Variants in DUOX2 observed in about 807,000 individuals in gnomAD.
DUOX2 encodes NADH/NADPH thyroid oxidase p138-tox.
A neutral mutation model predicts 183.3 loss-of-function variants in DUOX2; 185 were observed. The observed-to-expected ratio is 1.01, with a 90% CI of 0.90 to 1.14. DUOX2 has a LOEUF of 1.14. DUOX2 is among the 50% of genes most tolerant of loss of function. The pLI, the probability that DUOX2 is intolerant of heterozygous loss-of-function variation, is 0.00. For missense variants in DUOX2, 1,999 were observed against 2,022.9 expected, an observed-to-expected ratio of 0.99 and a Z score of 0.23; for synonymous variants, 788 against 812.4, an observed-to-expected ratio of 0.97 and a Z score of 0.51.
chr15:45,096,052 A>G lies in DUOX2; in HGVS notation c.3856T>C (p.Tyr1286His), dbSNP rs148968706. The G allele has an allele frequency of 7.1e-4, 1,144 of 1,613,950 alleles. 8 individuals carry two copies. In the African/African-American group the frequency reaches 0.014, roughly 20 times the overall value. The change falls in exon 30 of 34, where the codon TAC becomes CAC. Residue 1286 changes from tyrosine to histidine, a missense_variant. Tyr to His is a moderately conservative substitution (Grantham distance 83). This residue lies in a region of DUOX2 where 1,628 missense variants were observed against 1,608.6 expected (regional missense o/e 1.01). Transcript: ENST00000389039. ...CCTTGGGGCCTCTGGAATTGCAGGTAGGTCACTCCTGGAGGTCATAGACAG... is the reference window on the plus strand; with the variant it reads ...CCTTGGGGCCTCTGGAATTGCAGGTGGGTCACTCCTGGAGGTCATAGACAG... ...KAELLPSGVT[Y>H]LQFQRPQGFE...
At chr15:45,107,848 CT>C (rs1332078159) in intron 13 of DUOX2, among the ~76,000 whole-genome samples, 198 bp downstream of exon 13, 2 of 25,240 alleles carry the variant, frequency 7.9e-5, no homozygotes, top group Admixed American at 1.5e-3. Context: ...TAGACTCTGC[CT>C]CAAAAAAAAA....
intron 23 of DUOX2, 37 bp from the exon 24 acceptor site, chr15:45,100,265 G>C: frequency 1.3e-6 from 2 of 1,593,602 alleles, no homozygotes; most frequent in Non-Finnish European, 8.6e-7. Context: ...GTGTGGTAAG[G>C]GCCCTCTGGC....
rs760732287 is a variant in DUOX2, at chr15:45,111,902, C to A, written c.379G>T (p.Glu127Ter). ...GGTGGGATGCGGATGTTGAGGAACT[C>A]GGCGGGGCAACCGGGCGTTTCCACG... ...VSVETPGCPAEFLNIRIPPGD... is the reference protein window; with the variant it reads ...VSVETPGCPA Residue 127 changes from glutamate (E) to a stop codon, truncating the protein, a stop_gained, in exon 5 of 34, where the codon GAG becomes TAG. Transcript: ENST00000389039. LOFTEE classifies it high-confidence loss of function. 3 of 1,613,678 alleles carry A rather than the reference C, an allele frequency of 1.9e-6. No homozygotes were observed. In the Admixed American group the frequency reaches 5.0e-5, roughly 27 times the overall value.
chr15:45,101,169 G>C (rs1454561586), intron 22 of DUOX2, 36 bp downstream of exon 22: 1 of 1,600,716 alleles, frequency 6.2e-7, no homozygotes, highest in Non-Finnish European at 8.5e-7. Context: ...AGGGGGCTCA[G>C]CCAGGCCAAC....
intron 23 of DUOX2, 41 bp downstream of exon 23, chr15:45,100,714 C>G: frequency 6.4e-7 from 1 of 1,566,750 alleles, no homozygotes; most frequent in Non-Finnish European, 8.8e-7. Context: ...TAAGACTTCT[C>G]TCCATGTCTC....
rs1893952879 is a variant in DUOX2 at position 45,098,031 on chromosome 15, C to A, written c.3543G>T (p.Trp1181Cys). The A allele has an allele frequency of 1.2e-6, 2 of 1,614,134 alleles. No individual in the cohort carries two copies. The highest frequency in any genetic ancestry group is 4.5e-5 in the East Asian group (2 of 44,886). The change falls in exon 27 of 34, where the codon TGG (tryptophan) becomes TGT (cysteine). Residue 1181 changes from tryptophan to cysteine, a missense_variant. Around this residue, in one of 3 missense-constraint regions of DUOX2, gnomAD observed 1,628 missense variants for 1,608.6 expected, o/e 1.01. Transcript: ENST00000389039. ...TACCTGGGACGGTCTGGAAGAACCACCAATAGAACTTCTGGGGAAGCTTGG... is the reference window on the plus strand; with the variant it reads ...TACCTGGGACGGTCTGGAAGAACCAACAATAGAACTTCTGGGGAAGCTTGG... ...DGSKLPQKFY[W>C]WFFQTVPGMT...
intron 23 of DUOX2, chr15:45,100,554 G>A (rs1207325298): frequency 3.1e-6 from 2 of 651,202 alleles, no homozygotes; most frequent in Admixed American, 4.9e-5. Flanking sequence ...GTTGAGCCAG[G>A]ACCCTTGCCT....
At position 45,111,397 on chromosome 15, in the gene DUOX2, G is replaced by A. The variant is rs1045626747; in HGVS notation, c.702C>T (p.Pro234=). 1 of 1,457,996 alleles carries A rather than the reference G, an allele frequency of 6.9e-7. No homozygotes were observed. Among genetic ancestry groups the A allele is most frequent in the Non-Finnish European group, 9.0e-7 (1 of 1,107,558 alleles). The allele number at this position is 1,457,996 out of a possible 1,614,324, so 90.3% of individuals were successfully genotyped here. Residue 234 remains proline (P), a synonymous_variant, in exon 6 of 34, where the codon CCC becomes CCT. Transcript: ENST00000389039. ...APDPATGQNG[P]RGLYAFGAER... ...CTGTGGCCTCACCGTACAGCCCCCG[G>A]GGCCCGTTCTGCCCGGTGGCGGGGT...
chr15:45,096,087 C>T, intron 29 of DUOX2, 27 bp from the exon 30 acceptor site: 1 of 1,596,720 alleles, frequency 6.3e-7, no homozygotes, highest in Non-Finnish European at 8.6e-7. Context: ...GGGAAAAGCA[C>T]AGATGAGAAG....
chr15:45,110,573 C>T, intron 8 of DUOX2, 49 bp from the exon 9 acceptor site: 1 of 1,613,860 alleles, frequency 6.2e-7, no homozygotes, highest in Non-Finnish European at 8.5e-7. Flanking sequence ...CTTGCCTCCA[C>T]ATCCTCCCAT....
chr15:45,106,665 T>A, intron 15 of DUOX2, 24 bp from the exon 16 acceptor site: 1 of 1,613,312 alleles, frequency 6.2e-7, no homozygotes, highest in South Asian at 1.1e-5. Flanking sequence ...GAAGGAACAG[T>A]GAGGAGGGAG....
intron 16 of DUOX2, 32 bp downstream of exon 16, chr15:45,106,496 C>A: frequency 1.2e-6 from 2 of 1,608,220 alleles, no homozygotes; most frequent in Non-Finnish European, 1.7e-6. Flanking sequence ...CTCCTCCGTC[C>A]CTCCTCCCTC....
rs1046844256 is a variant in DUOX2, at chr15:45,107,559, A to T, written c.1575-96T>A. Reference sequence around the variant, plus strand: ...GACCCAGGTGAGAAAAGAGACCCAGAGGGGCTGGGTGCAGTGGCTCATGCC... The same window carrying T: ...GACCCAGGTGAGAAAAGAGACCCAGTGGGGCTGGGTGCAGTGGCTCATGCC... On this transcript the variant is annotated intron_variant, in intron 13 of 33. Coordinates refer to ENST00000389039, the MANE Select transcript of DUOX2 (RefSeq NM_001363711.2). 2.7e-5 allele frequency: 36 copies of T among 1,324,496 alleles called. No homozygotes were observed. In the African/African-American group the frequency reaches 4.6e-4, roughly 17 times the overall value. The allele number at this position is 1,324,496 out of a possible 1,614,324, so 82.0% of individuals were successfully genotyped here.
chr15:45,095,827 C>T lies in DUOX2; in HGVS notation c.4080+1G>A, dbSNP rs777812482. 1.9e-6 allele frequency: 3 copies of T among 1,613,490 alleles called. No homozygotes were observed. The highest frequency in any genetic ancestry group is 2.2e-5 in the South Asian group (2 of 91,066). On this transcript the variant is annotated splice_donor_variant, in intron 30 of 33. Coordinates refer to ENST00000389039, the MANE Select transcript of DUOX2 (RefSeq NM_001363711.2). LOFTEE classifies it high-confidence loss of function. ...GAAGCAGGGTTCCCAGTGACGGGCA[C>T]CTTTGGGTATCCAGCACAGCCATTG...
At chr15:45,107,682 A>G (rs1021140597) in intron 13 of DUOX2, among the ~76,000 whole-genome samples, 1 of 151,930 alleles carries the variant, frequency 6.6e-6, no homozygotes, top group Admixed American at 6.6e-5. Context: ...CATCTCTACT[A>G]AAAATATTTT....
chr15:45,097,776 C>G (rs1166842720), intron 27 of DUOX2, 35 bp from the exon 28 acceptor site: 5 of 1,614,080 alleles, frequency 3.1e-6, no homozygotes, highest in South Asian at 1.1e-5. Flanking sequence ...TGAGTAGTCT[C>G]AGGACTTCAG....
Position 45,100,098 on chromosome 15 carries a change from C to CCA in DUOX2, c.3134_3135dup (p.Ala1046TrpfsTer62), listed in dbSNP as rs749552242. The CCA allele has an allele frequency of 6.2e-7, 1 of 1,614,240 alleles. No homozygotes were observed. Among genetic ancestry groups the CCA allele is most frequent in the East Asian group, 2.2e-5 (1 of 44,874 alleles). On this transcript the variant is annotated frameshift_variant, in exon 24 of 34. Coordinates refer to ENST00000389039, the MANE Select transcript of DUOX2 (RefSeq NM_001363711.2). LOFTEE classifies it high-confidence loss of function. ...CCAACACAGATGGCCGAGAAGATTG[C>CCA]CACACACACGATGTGCCTCCGGTAG...
rs1437324452 is a variant in DUOX2 at position 45,097,625 on chromosome 15, G to A, written c.3682C>T (p.Leu1228Phe). Residue 1228 changes from leucine to phenylalanine, a missense_variant, in exon 28 of 34, where the codon CTC becomes TTC. Transcript: ENST00000389039. ...GGGAAGTCCCTCACCAGGGCATAGAGCAGGATGTAGAGGTGGTGGGTCAGC... is the reference window on the plus strand; with the variant it reads ...GGGAAGTCCCTCACCAGGGCATAGAACAGGATGTAGAGGTGGTGGGTCAGC... ...FWLTHHLYIL[L>F]YALLIIHGSY... 1.2e-6 allele frequency: 2 copies of A among 1,614,136 alleles called. No individual in the cohort carries two copies. Among genetic ancestry groups the A allele is most frequent in the Non-Finnish European group, 1.7e-6 (2 of 1,180,054 alleles).
chr15:45,099,154 G>A (rs539690827), intron 26 of DUOX2: 2 of 421,510 alleles, frequency 4.7e-6, no homozygotes, highest in Non-Finnish European at 9.0e-6. Context: ...GGGATTACAG[G>A]CGCCCACCAC....
Sources: gnomAD v4.1 joint callset for allele counts (sites outside exome capture counted in the v4.1 genomes callset) on GRCh38, gnomAD v4.1.1 for gene constraint, gnomAD v4.1.1 regional missense constraint, MANE v1.5 for transcripts, NCBI Gene and HGNC (gene_info 2026-07-23, HGNC 2026-07-21) for gene names.